The following GLIS1 variants were observed in gnomAD, a reference collection of about 807,000 sequenced individuals.
GLIS1 encodes GLIS family zinc finger 1.
Under a neutral mutation model 63.8 loss-of-function variants are expected in GLIS1, and 24 were observed. The ratio of observed to expected loss-of-function variants is 0.38; its 90% CI spans 0.27 to 0.53. GLIS1 has a LOEUF of 0.53. GLIS1 is among the 20% of genes least tolerant of loss of function. The pLI, the probability that GLIS1 is intolerant of heterozygous loss-of-function variation, is 0.85. For missense variants in GLIS1, 1,036 were observed against 1,074.1 expected, an observed-to-expected ratio of 0.96 and a Z score of 0.50; for synonymous variants, 450 against 482.5, an observed-to-expected ratio of 0.93 and a Z score of 0.88.
intron 2 of GLIS1, among the ~76,000 whole-genome samples, chr1:53,626,028 T>C (rs924705457): frequency 4.6e-5 from 7 of 152,220 alleles, no homozygotes; most frequent in African/African-American, 1.7e-4. Flanking sequence ...ACTTGCTCTC[T>C]AGGGCTCACG....
Position 53,509,900 on chromosome 1 carries a change from A to G in GLIS1, c.2011T>C (p.Ser671Pro). 1 of 1,308,138 alleles carries G rather than the reference A, an allele frequency of 7.6e-7. No individual in the cohort carries two copies. The highest frequency in any genetic ancestry group is 3.1e-5 in the Admixed American group (1 of 32,144). The allele number at this position is 1,308,138 out of a possible 1,614,324, so 81.0% of individuals were successfully genotyped here. ...QPFPTLPSKPSYPPFQSPPPP... is the reference protein window; with the variant it reads ...QPFPTLPSKPPYPPFQSPPPP... Reference sequence around the variant, plus strand: ...GGAGGGCTCTGGAAGGGTGGGTAGGACGGCTTGCTGGGGAGTGTGGGGAAG... The same window carrying G: ...GGAGGGCTCTGGAAGGGTGGGTAGGGCGGCTTGCTGGGGAGTGTGGGGAAG... Residue 671 changes from serine (S) to proline (P), a missense_variant, in exon 9 of 11, where the codon TCC becomes CCC. By Grantham distance (74) the Ser-to-Pro change is moderately conservative. Transcript: ENST00000628545.
chr1:53,729,363 C>T (rs1570112882), intron 2 of GLIS1, among the ~76,000 whole-genome samples: 1 of 152,084 alleles, frequency 6.6e-6, no homozygotes. Flanking sequence ...AAAGAGCGCT[C>T]CGTAAGTACA....
chr1:53,650,333 T>C (rs1187460392), intron 2 of GLIS1, among the ~76,000 whole-genome samples: 1 of 152,108 alleles, frequency 6.6e-6, no homozygotes, highest in Non-Finnish European at 1.5e-5. Context: ...CTCACACCTG[T>C]AATCAAAGCA....
rs1182693297 is a variant in GLIS1, at chr1:53,733,077, C to T, written c.259+4729G>A. ...TTTCTCCCCTCTTCCAGGATACTGG[C>T]CAAACTCCACAAAGTAAAACCGAAG... On this transcript the variant is annotated intron_variant, in intron 2 of 10. Transcript: ENST00000628545. Among the ~76,000 whole-genome samples, 5 of 152,328 alleles carry T rather than the reference C, an allele frequency of 3.3e-5. No homozygotes were observed. In the East Asian group the frequency reaches 9.6e-4, roughly 29 times the overall value.
rs1644229942 is a variant in GLIS1 at position 53,506,259 on chromosome 1, T to A, written c.*360A>T. The A allele has an allele frequency of 4.1e-6, 1 of 243,348 alleles. No individual in the cohort carries two copies. Among genetic ancestry groups the A allele is most frequent in the African/African-American group, 2.2e-5 (1 of 45,230 alleles). 15.1% of individuals were successfully genotyped at this position (243,348 alleles called of 1,614,324 possible). Reference sequence around the variant, plus strand: ...ACATCTCCTTTCCAGTTTTTAATGTTTTTTCTTGTAAAACCAAAAATATAA... The same window carrying A: ...ACATCTCCTTTCCAGTTTTTAATGTATTTTCTTGTAAAACCAAAAATATAA... On this transcript the variant is annotated 3_prime_UTR_variant, in exon 11 of 11. Transcript: ENST00000628545.
intron 2 of GLIS1, among the ~76,000 whole-genome samples, chr1:53,702,590 C>T (rs1375887094): frequency 2.6e-5 from 4 of 152,174 alleles, no homozygotes; most frequent in Non-Finnish European, 5.9e-5. Context: ...GGGCAGGTCA[C>T]ACTCATAGCA....
intron 4 of GLIS1, among the ~76,000 whole-genome samples, chr1:53,552,305 C>T (rs1484749264): frequency 6.6e-6 from 1 of 152,058 alleles, no homozygotes; most frequent in African/African-American, 2.4e-5. Flanking sequence ...CCCTGAGAGC[C>T]CTCACAAGGC....
chr1:53,514,616 T>C lies in GLIS1; in HGVS notation c.1883+9A>G. On this transcript the variant is annotated intron_variant, in intron 8 of 10. Transcript: ENST00000628545. ...TGCCCCTGGAGGAGGACTGGCCTGG[T>C]GTACATACCCATCCCGGGTGCTCTC... 6.2e-7 allele frequency: 1 copy of C among 1,609,128 alleles called. No individual in the cohort carries two copies. Among genetic ancestry groups the C allele is most frequent in the Non-Finnish European group, 8.5e-7 (1 of 1,178,550 alleles).
At chr1:53,713,572 G>A (rs1050393268) in intron 2 of GLIS1, among the ~76,000 whole-genome samples, 2 of 152,182 alleles carry the variant, frequency 1.3e-5, no homozygotes, top group East Asian at 1.9e-4. Context: ...TGGGCAACAC[G>A]GTGAGACCCC....
chr1:53,735,353 C>G (rs565106053), intron 2 of GLIS1, among the ~76,000 whole-genome samples: 190 of 152,320 alleles, frequency 1.2e-3, no homozygotes, highest in Non-Finnish European at 2.3e-3. Context: ...CTCCTTCTAC[C>G]TTTTTAGCTT....
chr1:53,612,966 C>G (rs997757920), intron 2 of GLIS1, among the ~76,000 whole-genome samples: 48 of 152,074 alleles, frequency 3.2e-4, no homozygotes, highest in African/African-American at 7.2e-5. Context: ...CTACAGGCAC[C>G]CACCACCACG....
chr1:53,622,828 T>C (rs1358635562), intron 2 of GLIS1, among the ~76,000 whole-genome samples: 1 of 152,214 alleles, frequency 6.6e-6, no homozygotes, highest in Admixed American at 6.5e-5. Context: ...AGGATAAATA[T>C]CTGTTGTTTT....
intron 2 of GLIS1, among the ~76,000 whole-genome samples, chr1:53,731,251 G>A (rs1442325471): frequency 6.6e-6 from 1 of 152,202 alleles, no homozygotes; most frequent in Non-Finnish European, 1.5e-5. Context: ...AGATTCCTGA[G>A]GATCCTGAGT....
chr1:53,624,470 T>C (rs1227254716), intron 2 of GLIS1, among the ~76,000 whole-genome samples: 1 of 152,066 alleles, frequency 6.6e-6, no homozygotes, highest in African/African-American at 2.4e-5. Context: ...GGCAAAGGCT[T>C]CTTAGAACAC....
At chr1:53,616,843 A>C (rs1379993611) in intron 2 of GLIS1, among the ~76,000 whole-genome samples, 3 of 152,146 alleles carry the variant, frequency 2.0e-5, no homozygotes, top group African/African-American at 7.2e-5. Flanking sequence ...ATTCTGTGGA[A>C]AAGATTATTT....
At chr1:53,728,394 T>C (rs60304986) in intron 2 of GLIS1, among the ~76,000 whole-genome samples, 6,469 of 152,226 alleles carry the variant, frequency 0.042, 444 homozygotes, top group African/African-American at 0.15. Flanking sequence ...TTTAAGCACT[T>C]ATACATGTGT....
intron 4 of GLIS1, among the ~76,000 whole-genome samples, chr1:53,580,035 G>C (rs1236921354): frequency 6.6e-6 from 1 of 152,214 alleles, no homozygotes; most frequent in Non-Finnish European, 1.5e-5. Context: ...CCGTCCTGAT[G>C]AATAAGGGAT....
intron 4 of GLIS1, among the ~76,000 whole-genome samples, chr1:53,537,533 C>T (rs551987008): frequency 9.2e-5 from 14 of 152,350 alleles, no homozygotes; most frequent in African/African-American, 2.4e-4. Flanking sequence ...GGGCTAGTCA[C>T]GCCTCATTTC....
chr1:53,512,640 G>A (rs904459818), intron 8 of GLIS1, among the ~76,000 whole-genome samples: 1 of 152,162 alleles, frequency 6.6e-6, no homozygotes, highest in Non-Finnish European at 1.5e-5. Flanking sequence ...GCACGAGGAC[G>A]CTTCTCTCCT....
Sources: gnomAD v4.1 joint callset for allele counts (sites outside exome capture counted in the v4.1 genomes callset) on GRCh38, gnomAD v4.1.1 for gene constraint, MANE v1.5 for transcripts, NCBI Gene and HGNC (gene_info 2026-07-23, HGNC 2026-07-21) for gene names.